Variants in NBAS observed in about 807,000 individuals in gnomAD.
NBAS encodes NBAS subunit of NRZ tethering complex.
In NBAS, 219 loss-of-function variants were observed where a neutral mutation model predicts 302.5. That is an observed-to-expected ratio of 0.72 (90% CI 0.65 to 0.81). The LOEUF (loss-of-function observed/expected upper bound fraction) is 0.81, where lower values mean the gene tolerates loss of function less well. Among genes scored for constraint, NBAS ranks in the 30% least tolerant of loss-of-function variants. The pLI, the probability that NBAS is intolerant of heterozygous loss-of-function variation, is 0.00. For missense variants in NBAS, 2,932 were observed against 2,841.6 expected (o/e 1.03, Z -0.72); for synonymous variants, 1,118 against 1,021.6 (o/e 1.09, Z -1.80).
chr2:15,183,207 T>C (rs1664911617), intron 50 of NBAS, among the ~76,000 whole-genome samples: 1 of 152,330 alleles, frequency 6.6e-6, no homozygotes, highest in Middle Eastern at 3.4e-3. Context: ...TGTAACACTT[T>C]CAATTCACAT....
At chr2:15,275,301 C>T (rs1322357617) in intron 44 of NBAS, among the ~76,000 whole-genome samples, 183 bp downstream of exon 44, 1 of 151,990 alleles carries the variant, frequency 6.6e-6, no homozygotes, top group African/African-American at 2.4e-5. Flanking sequence ...TGTACATCTA[C>T]AATAGAGAAA....
rs765575767 is a variant in NBAS, at chr2:15,553,500, G to T, written c.288-27C>A. ...TTTTATGGAGAAGAAAGAGGGGGAAGAAAATCTATTATGAATATCTATAGC... is the reference window on the plus strand; with the variant it reads ...TTTTATGGAGAAGAAAGAGGGGGAATAAAATCTATTATGAATATCTATAGC... On this transcript the variant is annotated intron_variant, in intron 4 of 51. Coordinates refer to ENST00000281513, the MANE Select transcript of NBAS (RefSeq NM_015909.4). 1.9e-6 allele frequency: 3 copies of T among 1,588,146 alleles called. No homozygotes were observed. The South Asian group carries it at 3.3e-5, about 18-fold the overall frequency.
At chr2:15,272,385 C>T (rs563468421) in intron 44 of NBAS, among the ~76,000 whole-genome samples, 2 of 152,244 alleles carry the variant, frequency 1.3e-5, no homozygotes, top group East Asian at 1.9e-4. Context: ...TGGTGTTTTG[C>T]AAATTTGGGC....
intron 30 of NBAS, among the ~76,000 whole-genome samples, chr2:15,379,157 C>T (rs545732563): frequency 8.7e-5 from 13 of 149,652 alleles, no homozygotes; most frequent in African/African-American, 2.9e-4. Flanking sequence ...GAAGTGACTT[C>T]GGAGGTTTAT....
At chr2:15,430,740 T>C (rs532478227) in intron 21 of NBAS, among the ~76,000 whole-genome samples, 3 of 152,162 alleles carry the variant, frequency 2.0e-5, no homozygotes, top group East Asian at 1.9e-4. Context: ...CCCAACCATT[T>C]TTCCACCATT....
At chr2:14,996,816 G>A in the NBAS span, among the ~76,000 whole-genome samples, 1 of 152,122 alleles carries the variant, frequency 6.6e-6, no homozygotes, top group Admixed American at 6.5e-5. Flanking sequence ...GAAAAAAGCT[G>A]TCACCACCCC....
At chr2:14,949,812 T>G in the NBAS span, among the ~76,000 whole-genome samples, 1 of 152,186 alleles carries the variant, frequency 6.6e-6, no homozygotes, top group Non-Finnish European at 1.5e-5. Context: ...AAATACCACA[T>G]GTTCTCACTC....
At chr2:15,458,051 GTATACTCAC>G (rs1446049568) in intron 21 of NBAS, among the ~76,000 whole-genome samples, 1 of 152,096 alleles carries the variant, frequency 6.6e-6, no homozygotes, top group African/African-American at 2.4e-5. Flanking sequence ...AATATTTTCA[GTATACTCAC>G]TATACAAGCG....
At chr2:15,504,775 C>T (rs946814734) in intron 10 of NBAS, among the ~76,000 whole-genome samples, 5 of 152,082 alleles carry the variant, frequency 3.3e-5, no homozygotes, top group Middle Eastern at 3.2e-3. Context: ...GAACATAAAA[C>T]CGTACAGCCA....
intron 21 of NBAS, among the ~76,000 whole-genome samples, chr2:15,432,678 A>G (rs1240244614): frequency 6.6e-6 from 1 of 152,182 alleles, no homozygotes; most frequent in African/African-American, 2.4e-5. Flanking sequence ...ATTTATTTCT[A>G]TTATTTAGCA....
At chr2:15,544,831 G>A (rs987035701) in intron 6 of NBAS, among the ~76,000 whole-genome samples, 11 of 152,220 alleles carry the variant, frequency 7.2e-5, no homozygotes, top group African/African-American at 2.4e-4. Context: ...CCAAAATGGT[G>A]AAATCCTATC....
intron 16 of NBAS, among the ~76,000 whole-genome samples, chr2:15,472,279 G>C (rs1990753): frequency 0.61 from 92,100 of 151,778 alleles, 28,903 homozygotes; most frequent in Non-Finnish European, 0.68. Flanking sequence ...AACAAGGCAC[G>C]TGGGCAACAT....
the NBAS span, among the ~76,000 whole-genome samples, chr2:15,099,014 T>A: frequency 6.6e-6 from 1 of 151,822 alleles, no homozygotes; most frequent in Non-Finnish European, 1.5e-5. Flanking sequence ...TATATCTATA[T>A]CAAGATTTTA....
the NBAS span, among the ~76,000 whole-genome samples, chr2:15,109,052 A>C: frequency 6.6e-6 from 1 of 152,154 alleles, no homozygotes; most frequent in Admixed American, 6.6e-5. Flanking sequence ...ATGGCAAATC[A>C]GTTACTGCTA....
the NBAS span, among the ~76,000 whole-genome samples, chr2:14,850,090 A>G: frequency 7.3e-6 from 1 of 136,632 alleles, no homozygotes; most frequent in Non-Finnish European, 1.5e-5. Context: ...ATTAACTTTA[A>G]ATGTAAATGG....
Position 15,539,331 on chromosome 2 carries a change from C to T in NBAS, c.405G>A (p.Trp135Ter). The change falls in exon 7 of 52, where the codon TGG becomes TGA. Residue 135 changes from tryptophan to a stop codon, truncating the protein, a stop_gained. Transcript: ENST00000281513. LOFTEE classifies it high-confidence loss of function. ...AATCGTAACTCCATGCTACCCGTCT[C>T]CACTGGGGTTTCGGGTCTTTCGGAA... ...CQVPKDPKPQ[W>*]RRVAWSYDCT... The T allele has an allele frequency of 6.2e-7, 1 of 1,614,236 alleles. No homozygotes were observed.
At chr2:15,001,925 C>G in the NBAS span, among the ~76,000 whole-genome samples, 5 of 152,056 alleles carry the variant, frequency 3.3e-5, no homozygotes, top group Admixed American at 1.3e-4. Flanking sequence ...GGAAGGGGAC[C>G]CCAGGGGGTT....
chr2:14,853,085 C>A, the NBAS span, among the ~76,000 whole-genome samples: 67 of 133,790 alleles, frequency 5.0e-4, no homozygotes, highest in Non-Finnish European at 9.6e-4. Context: ...TCTAATTAAA[C>A]TAAAGAGCTT....
the NBAS span, among the ~76,000 whole-genome samples, chr2:14,975,386 G>C: frequency 2.0e-5 from 3 of 152,184 alleles, no homozygotes; most frequent in Non-Finnish European, 4.4e-5. Flanking sequence ...TTAGTAGAAA[G>C]CTTTTGTTTC....
Sources: allele counts gnomAD v4.1 joint callset (sites outside exome capture counted in the v4.1 genomes callset), GRCh38; gene constraint gnomAD v4.1.1; transcripts MANE v1.5; gene names NCBI Gene and HGNC (gene_info 2026-07-23, HGNC 2026-07-21).